The following PKP4 variants were observed in gnomAD, a reference collection of about 807,000 sequenced individuals.
PKP4 encodes plakophilin-4.
PKP4 carries 90 observed loss-of-function variants against 145.1 expected under a neutral mutation model. The ratio of observed to expected loss-of-function variants is 0.62; its 90% confidence interval spans 0.52 to 0.74. The LOEUF is 0.74. Among genes scored for constraint, PKP4 ranks in the 30% least tolerant of loss-of-function variants. PKP4 has a pLI of 0.00. For missense variants in PKP4, 1,340 were observed against 1,482.7 expected (o/e 0.90, Z 1.58); for synonymous variants, 563 against 577.2 (o/e 0.98, Z 0.35).
chr2:158,624,751 A>G (rs2052589967), intron 6 of PKP4, 127 bp from the exon 7 acceptor site: 1 of 656,804 alleles, frequency 1.5e-6, no homozygotes, highest in African/African-American at 1.8e-5. Flanking sequence ...ATAAAAAGGA[A>G]AAGAATCTTA....
chr2:158,480,926 C>T (rs546926655), intron 1 of PKP4, among the ~76,000 whole-genome samples: 7 of 152,240 alleles, frequency 4.6e-5, no homozygotes, highest in African/African-American at 1.4e-4. Context: ...TTTATGGATT[C>T]GCCTCTTCTG....
chr2:158,639,343 C>CGT (rs2054086359), intron 9 of PKP4, among the ~76,000 whole-genome samples: 1 of 97,140 alleles, frequency 1.0e-5, no homozygotes, highest in Non-Finnish European at 2.4e-5. Context: ...TGTGTGTGTG[C>CGT]GTGCGTGTGT....
At chr2:158,598,374 G>T (rs182406375) in intron 3 of PKP4, among the ~76,000 whole-genome samples, 1 of 152,266 alleles carries the variant, frequency 6.6e-6, no homozygotes, top group Non-Finnish European at 1.5e-5. Context: ...CCCTCTCCTA[G>T]CGTTTACCTA....
intron 3 of PKP4, among the ~76,000 whole-genome samples, chr2:158,595,803 A>G (rs2049676127): frequency 6.6e-6 from 1 of 152,192 alleles, no homozygotes; most frequent in Non-Finnish European, 1.5e-5. Flanking sequence ...AAGAATCATT[A>G]GTAGTTATTT....
intron 1 of PKP4, among the ~76,000 whole-genome samples, chr2:158,517,853 C>T (rs1258090030): frequency 1.3e-5 from 2 of 151,794 alleles, no homozygotes; most frequent in East Asian, 3.9e-4. Context: ...GAGGTCAAGG[C>T]TGCAATGAGC....
Position 158,666,491 on chromosome 2 carries a change from G to A in PKP4, c.2656G>A (p.Asp886Asn), listed in dbSNP as rs757315177. ...ILVELLRMDNDRVVSSVATAL... is the reference protein window; with the variant it reads ...ILVELLRMDNNRVVSSVATAL... ...TGTGGAGCTTCTGAGAATGGATAAC[G>A]ATAGAGTTGTTTCTTCCGTGGCAAC... Residue 886 changes from aspartate (D) to asparagine (N), a missense_variant, in exon 16 of 22, where the codon GAT becomes AAT. Asp to Asn is a conservative substitution (Grantham distance 23). Coordinates refer to ENST00000389759, the MANE Select transcript of PKP4 (RefSeq NM_003628.6). 12 of 1,613,574 alleles carry A rather than the reference G, an allele frequency of 7.4e-6. No individual in the cohort carries two copies. The highest frequency in any genetic ancestry group is 5.5e-5 in the South Asian group (5 of 90,980).
chr2:158,487,882 G>T (rs1482333760), intron 1 of PKP4, among the ~76,000 whole-genome samples: 1 of 151,994 alleles, frequency 6.6e-6, no homozygotes, highest in Non-Finnish European at 1.5e-5. Flanking sequence ...AAGCTCTTTG[G>T]GGAATAAATA....
chr2:158,652,141 T>A (rs1467226042), intron 11 of PKP4, among the ~76,000 whole-genome samples: 1 of 152,238 alleles, frequency 6.6e-6, no homozygotes, highest in African/African-American at 2.4e-5. Flanking sequence ...TTTCAAAGTA[T>A]TTCAACTTCT....
chr2:158,588,007 A>G (rs928425065), intron 3 of PKP4, among the ~76,000 whole-genome samples: 2 of 151,984 alleles, frequency 1.3e-5, no homozygotes, highest in Non-Finnish European at 2.9e-5. Flanking sequence ...ATCCAGCCAC[A>G]TTGAAATGTG....
intron 17 of PKP4, among the ~76,000 whole-genome samples, chr2:158,673,057 A>T (rs1381903565): frequency 6.6e-6 from 1 of 152,110 alleles, no homozygotes; most frequent in Non-Finnish European, 1.5e-5. Flanking sequence ...CCACTGACTT[A>T]ACAGCAGCAG....
chr2:158,462,640 A>T (rs1054413086), intron 1 of PKP4, among the ~76,000 whole-genome samples: 1 of 152,208 alleles, frequency 6.6e-6, no homozygotes, highest in African/African-American at 2.4e-5. Flanking sequence ...TTGGCCAGGG[A>T]AAGTGCTTGG....
chr2:158,526,605 A>G (rs1310846978), intron 1 of PKP4, among the ~76,000 whole-genome samples: 5 of 94,780 alleles, frequency 5.3e-5, no homozygotes, highest in South Asian at 5.2e-4. Flanking sequence ...CACCGCTCCT[A>G]TTCAACATAG....
At chr2:158,574,391 A>G (rs1460619491) in intron 2 of PKP4, among the ~76,000 whole-genome samples, 1 of 152,248 alleles carries the variant, frequency 6.6e-6, no homozygotes, top group Non-Finnish European at 1.5e-5. Flanking sequence ...GATAAAATAT[A>G]AGAATTTTTA....
intron 2 of PKP4, among the ~76,000 whole-genome samples, chr2:158,552,256 C>T (rs919256578): frequency 6.6e-5 from 10 of 152,210 alleles, no homozygotes; most frequent in Admixed American, 5.2e-4. Context: ...GGAATGAGTA[C>T]GTCCCAGCTT....
At chr2:158,546,004 T>A (rs1404154291) in intron 2 of PKP4, among the ~76,000 whole-genome samples, 1 of 152,222 alleles carries the variant, frequency 6.6e-6, no homozygotes, top group Non-Finnish European at 1.5e-5. Flanking sequence ...TAAATTCAGA[T>A]TAAATTGGTA....
intron 1 of PKP4, among the ~76,000 whole-genome samples, chr2:158,496,574 C>G (rs1175380492): frequency 6.6e-6 from 1 of 152,124 alleles, no homozygotes; most frequent in African/African-American, 2.4e-5. Flanking sequence ...TGTGCAAGTT[C>G]AGAAGTTTTT....
chr2:158,595,247 A>C (rs2049625314), intron 3 of PKP4, among the ~76,000 whole-genome samples: 1 of 152,232 alleles, frequency 6.6e-6, no homozygotes, highest in African/African-American at 2.4e-5. Flanking sequence ...TCAGAACATC[A>C]GAAGACAGGT....
At chr2:158,564,095 T>A (rs947216545) in intron 2 of PKP4, among the ~76,000 whole-genome samples, 14 of 152,086 alleles carry the variant, frequency 9.2e-5, no homozygotes, top group African/African-American at 3.4e-4. Flanking sequence ...TTAAAAGAGA[T>A]AATATAAAAG....
chr2:158,553,109 G>T (rs564344958), intron 2 of PKP4, among the ~76,000 whole-genome samples: 26 of 152,286 alleles, frequency 1.7e-4, no homozygotes, highest in South Asian at 4.1e-4. Flanking sequence ...AGCGTAGAAG[G>T]TACAGCCTGG....
Sources: allele counts gnomAD v4.1 joint callset (sites outside exome capture counted in the v4.1 genomes callset), GRCh38; gene constraint gnomAD v4.1.1; transcripts MANE v1.5; gene names NCBI Gene and HGNC (gene_info 2026-07-23, HGNC 2026-07-21).